The following MYH3 variants were observed in gnomAD, a reference collection of about 807,000 sequenced individuals.
The protein encoded by MYH3 is myosin-3.
A neutral mutation model predicts 238.0 loss-of-function variants in MYH3; 130 were observed. The observed-to-expected ratio is 0.55, with a 90% confidence interval of 0.47 to 0.63. The LOEUF (loss-of-function observed/expected upper bound fraction) is 0.63, where lower values mean the gene tolerates loss of function less well. Among genes scored for constraint, MYH3 ranks in the 30% least tolerant of loss-of-function variants. The probability of loss-of-function intolerance (pLI) is 0.00; values close to 1 mark genes in which losing one functional copy is unlikely to be tolerated. For missense variants in MYH3, 1,853 were observed against 2,374.9 expected (o/e 0.78, Z 4.57); for synonymous variants, 880 against 924.1 (o/e 0.95, Z 0.86).
intron 14 of MYH3, 45 bp from the exon 15 acceptor site, chr17:10,643,041 C>T: frequency 6.2e-7 from 1 of 1,614,006 alleles, no homozygotes; most frequent in South Asian, 1.1e-5. Flanking sequence ...AGACTTCTTT[C>T]AGAATCAAAG....
In MYH3 at chr17:10,641,111, C is replaced by T. The variant is rs781691679; in HGVS notation, c.2139G>A (p.Arg713=). The T allele has an allele frequency of 3.7e-6, 6 of 1,612,194 alleles. No homozygotes were observed. The highest frequency in any genetic ancestry group is 1.1e-5 in the South Asian group (1 of 91,022). The change falls in exon 19 of 41, where the codon AGG becomes AGA. Residue 713 remains arginine (R), a synonymous_variant. Coordinates refer to ENST00000583535, the MANE Select transcript of MYH3 (RefSeq NM_002470.4). ...TTTGTTTAAAATCGCCATAGAGAAT[C>T]CTGTTTGGGAACCCTTTCCTGCAGA... ...IRICRKGFPN[R]ILYGDFKQRY...
rs756355226 is a variant in MYH3, at chr17:10,634,898, A to T, written c.4298T>A (p.Val1433Asp). The T allele has an allele frequency of 6.2e-7, 1 of 1,614,086 alleles. No homozygotes were observed. Among genetic ancestry groups the T allele is most frequent in the Admixed American group, 1.7e-5 (1 of 60,018 alleles). ...GGCGGCCAAGGAATTGGCTCTTTCA[A>T]CATCAACCATCAGATCCTCCACCTC... ...QGEVEDLMVD[V>D]ERANSLAAAL... The change falls in exon 31 of 41, where the codon GTT (valine) becomes GAT (aspartate). Residue 1433 changes from valine (V) to aspartate (D), a missense_variant. Around this residue, in one of 3 missense-constraint regions of MYH3, gnomAD observed 1,044 missense variants for 1,192.6 expected, o/e 0.88. Transcript: ENST00000583535.
chr17:10,668,618 C>T, the MYH3 span, among the ~76,000 whole-genome samples: 1 of 152,132 alleles, frequency 6.6e-6, no homozygotes, highest in Non-Finnish European at 1.5e-5. Flanking sequence ...ATGATACTCA[C>T]GGAATTTGTT....
At chr17:10,652,291 G>T in intron 4 of MYH3, 129 bp downstream of exon 4, 1 of 1,180,744 alleles carries the variant, frequency 8.5e-7, no homozygotes, top group Non-Finnish European at 1.2e-6. Context: ...CTCCGTCTTT[G>T]TGTTTTGTTC....
the MYH3 span, among the ~76,000 whole-genome samples, chr17:10,665,676 C>T: frequency 1.3e-5 from 2 of 152,148 alleles, no homozygotes; most frequent in African/African-American, 4.8e-5. Context: ...GGGTGATTCA[C>T]CATCATAAAG....
intron 31 of MYH3, 145 bp from the exon 32 acceptor site, chr17:10,634,327 C>G (rs1180867713): frequency 4.2e-6 from 4 of 952,612 alleles, no homozygotes; most frequent in South Asian, 1.4e-5. Flanking sequence ...TTGGGCTAAT[C>G]AAGATTCTGT....
chr17:10,647,447 G>A (rs372510659), intron 8 of MYH3, 21 bp from the exon 9 acceptor site: 10 of 1,613,338 alleles, frequency 6.2e-6, no homozygotes, highest in East Asian at 2.2e-5. Flanking sequence ...CGGGATTCAG[G>A]GGGAGACCAG....
chr17:10,647,508 G>A, intron 8 of MYH3, 82 bp from the exon 9 acceptor site: 11 of 1,462,154 alleles, frequency 7.5e-6, no homozygotes, highest in Non-Finnish European at 1.1e-5. Flanking sequence ...AATTTGAGTA[G>A]GAGCCTAGTC....
chr17:10,645,860 G>A lies in MYH3; in HGVS notation c.1003-15C>T, dbSNP rs764445679. 1.2e-6 allele frequency: 2 copies of A among 1,613,954 alleles called. No homozygotes were observed. The highest frequency in any genetic ancestry group is 2.2e-5 in the South Asian group (2 of 91,070). On this transcript the variant is annotated splice_polypyrimidine_tract_variant and intron_variant, in intron 11 of 40. Transcript: ENST00000583535. ...TCAATGGCGCTCTGGCATGGAAAGG[G>A]CAGCACGTCAGTCAGTTGGCCCCAG...
At chr17:10,646,572 GC>G (rs2074323493) in intron 10 of MYH3, among the ~76,000 whole-genome samples, 1 of 152,150 alleles carries the variant, frequency 6.6e-6, no homozygotes, top group African/African-American at 2.4e-5. Flanking sequence ...GTCGCATTTG[GC>G]CATAGGTTGT....
intron 2 of MYH3, among the ~76,000 whole-genome samples, chr17:10,655,579 G>C (rs1157375067): frequency 1.3e-5 from 2 of 152,186 alleles, no homozygotes; most frequent in African/African-American, 4.8e-5. Flanking sequence ...GGGTTGCTAA[G>C]AACAAAATCA....
rs538534939 is a variant in MYH3, at chr17:10,634,197, G to A, written c.4357-15C>T. 22 of 1,614,060 alleles carry A rather than the reference G, an allele frequency of 1.4e-5. No homozygotes were observed. Among genetic ancestry groups the A allele is most frequent in the Admixed American group, 8.3e-5 (5 of 60,012 alleles). ...TCTGCCAACACCTGAAACACCGGAC[G>A]GAAGTTCTCTCCGTTTCTGAGCTCT... On this transcript the variant is annotated splice_polypyrimidine_tract_variant and intron_variant, in intron 31 of 40. Coordinates refer to ENST00000583535, the MANE Select transcript of MYH3 (RefSeq NM_002470.4).
intron 36 of MYH3, 72 bp downstream of exon 36, chr17:10,631,539 G>T: frequency 6.2e-7 from 1 of 1,611,090 alleles, no homozygotes; most frequent in Non-Finnish European, 8.5e-7. Flanking sequence ...GACCGCACCT[G>T]TCTAACTATG....
chr17:10,647,044 T>C, intron 10 of MYH3, 138 bp downstream of exon 10: 1 of 722,278 alleles, frequency 1.4e-6, no homozygotes. Flanking sequence ...AGTGAGACCC[T>C]ATCTCAAAAT....
At chr17:10,634,319 G>C in intron 31 of MYH3, 137 bp from the exon 32 acceptor site, 1 of 996,404 alleles carries the variant, frequency 1.0e-6, no homozygotes, top group Non-Finnish European at 1.6e-6. Context: ...GTCGATTATT[G>C]GGCTAATCAA....
intron 40 of MYH3, 66 bp downstream of exon 40, chr17:10,629,531 G>C (rs1005826926): frequency 1.2e-6 from 2 of 1,601,118 alleles, no homozygotes; most frequent in Non-Finnish European, 1.7e-6. Flanking sequence ...GGTTCTCTGA[G>C]GTTCCTTCCA....
rs200939140 is a variant in MYH3, at chr17:10,639,850, G to A, written c.2683-48C>T. ...CTTCGTTGAATGATATAAGGTTTGC[G>A]ACATTCCAGTATTTCACTATATATG... On this transcript the variant is annotated intron_variant, in intron 22 of 40. Coordinates refer to ENST00000583535, the MANE Select transcript of MYH3 (RefSeq NM_002470.4). The A allele has an allele frequency of 1.9e-4, 298 of 1,610,150 alleles. 1 individual carries two copies. Among genetic ancestry groups the A allele is most frequent in the Non-Finnish European group, 2.0e-4 (233 of 1,178,206 alleles).
chr17:10,653,548 TG>T (rs1332507677), intron 3 of MYH3, among the ~76,000 whole-genome samples: 1 of 152,134 alleles, frequency 6.6e-6, no homozygotes, highest in African/African-American at 2.4e-5. Flanking sequence ...GGCAGAGCAG[TG>T]GTTCTGAGCA....
At chr17:10,650,634 T>A (rs568601535) in intron 5 of MYH3, among the ~76,000 whole-genome samples, 2 of 152,354 alleles carry the variant, frequency 1.3e-5, no homozygotes, top group South Asian at 4.1e-4. Flanking sequence ...TGATTTGATA[T>A]ATGTTTATAT....
Sources: allele counts gnomAD v4.1 joint callset (sites outside exome capture counted in the v4.1 genomes callset), GRCh38; gene constraint gnomAD v4.1.1; regional missense constraint gnomAD v4.1.1; transcripts MANE v1.5; gene names NCBI Gene and HGNC (gene_info 2026-07-23, HGNC 2026-07-21).